The following FAT1 variants were observed in gnomAD, a reference collection of about 807,000 sequenced individuals.
FAT1 encodes the protein FAT atypical cadherin 1.
FAT1 carries 171 observed loss-of-function variants against 329.8 expected under a neutral mutation model. The observed-to-expected ratio is 0.52, with a 90% CI of 0.46 to 0.59. The LOEUF is 0.59. Ranked by LOEUF, FAT1 falls within the 20% of genes least tolerant of loss-of-function variation. The pLI is 0.00. For synonymous variants in FAT1, 2,233 were observed against 2,228.6 expected (o/e 1.00, Z -0.06); for missense variants, 5,672 against 5,774.4 (o/e 0.98, Z 0.57).
intron 7 of FAT1, among the ~76,000 whole-genome samples, chr4:186,630,331 G>A (rs1202752237): frequency 6.6e-6 from 1 of 152,078 alleles, no homozygotes; most frequent in Non-Finnish European, 1.5e-5. Flanking sequence ...CTGCGTCAAC[G>A]ACATGAAGGC....
At chr4:186,666,360 C>T (rs1174748023) in intron 2 of FAT1, among the ~76,000 whole-genome samples, 1 of 152,136 alleles carries the variant, frequency 6.6e-6, no homozygotes, top group Non-Finnish European at 1.5e-5. Context: ...AAAATTATAT[C>T]TGTCTGTAGG....
At chr4:186,692,068 C>CA (rs60103877) in intron 2 of FAT1, among the ~76,000 whole-genome samples, 3 of 152,114 alleles carry the variant, frequency 2.0e-5, no homozygotes, top group African/African-American at 7.2e-5. Context: ...TCTTCCCCCC[C>CA]ATGTATATGT....
At position 186,590,938 on chromosome 4, in the gene FAT1, T is replaced by C. The variant is rs116524825; in HGVS notation, c.13139-1718A>G. Among the ~76,000 whole-genome samples, 496 of 152,364 alleles carry C rather than the reference T, an allele frequency of 3.3e-3. 8 individuals are homozygous for C. Among genetic ancestry groups the C allele is most frequent in the African/African-American group, 0.011 (470 of 41,586 alleles). ...CTCCAAACTGTATGTATTTTGAATA[T>C]GCTTTAATATTGACACTGTGAGCCA... On this transcript the variant is annotated intron_variant, in intron 26 of 26. Transcript: ENST00000441802.
In FAT1 at chr4:186,607,526, G is replaced by C. The variant is rs1739208109; in HGVS notation, c.10207-1313C>G. 1.3e-5 allele frequency among the ~76,000 whole-genome samples: 2 copies of C among 152,028 alleles called. 1 individual carries two copies. The highest frequency in any genetic ancestry group is 4.2e-4 in the South Asian group (2 of 4,816). On this transcript the variant is annotated intron_variant, in intron 16 of 26. Coordinates refer to ENST00000441802, the MANE Select transcript of FAT1 (RefSeq NM_005245.4). ...GGGTAGATGGATAACTAGATGGACA[G>C]GTGGGTAGGTGGATGGATGGATAAC...
In FAT1 at chr4:186,707,092, A is replaced by G. The variant is rs781471290; in HGVS notation, c.2736T>C (p.Val912=). The change falls in exon 2 of 27, where the codon GTT becomes GTC. Residue 912 remains valine, a synonymous_variant. Transcript: ENST00000441802. ...TAACATCTTCTAGTGATACTTTCAC[A>G]ACGACAGTGGAGAACAGCTGAGGCT... The part of the protein sequence containing the change: ...REEPQLFSTV[V]VKVSLEDVND... The G allele has an allele frequency of 2.5e-6, 4 of 1,613,874 alleles. No individual in the cohort carries two copies. Among genetic ancestry groups the G allele is most frequent in the Admixed American group, 3.3e-5 (2 of 60,010 alleles).
chr4:186,704,030 A>C (rs554135914), intron 2 of FAT1, among the ~76,000 whole-genome samples: 25 of 152,344 alleles, frequency 1.6e-4, no homozygotes, highest in African/African-American at 6.0e-4. Flanking sequence ...AATGAATACG[A>C]GGTCCAATGT....
intron 15 of FAT1, 86 bp from the exon 16 acceptor site, chr4:186,609,406 C>A: frequency 6.8e-7 from 1 of 1,459,944 alleles, no homozygotes; most frequent in Non-Finnish European, 9.2e-7. Context: ...AATAGCTTAG[C>A]TGTTTCTTTT....
rs763371390 is a variant in FAT1 at position 186,617,697 on chromosome 4, AT to A, written c.8878+10del. ...AAATTAATTAAACCGTTTGGTATGA[AT>A]TTTTTTTACCTGTTATGAAATATGT... On this transcript the variant is annotated intron_variant, in intron 10 of 26. Transcript: ENST00000441802. The A allele has an allele frequency of 1.0e-5, 16 of 1,536,502 alleles. No homozygotes were observed. The highest frequency in any genetic ancestry group is 4.1e-5 in the Admixed American group (2 of 48,570).
At chr4:186,604,736 G>C (rs1370691323) in intron 17 of FAT1, among the ~76,000 whole-genome samples, 162 bp from the exon 18 acceptor site, 4 of 152,118 alleles carry the variant, frequency 2.6e-5, no homozygotes, top group African/African-American at 9.7e-5. Context: ...GAGTGTGGTG[G>C]TGAGGAGGAG....
chr4:186,611,394 G>A lies in FAT1; in HGVS notation c.9845C>T (p.Ser3282Phe), dbSNP rs1195730419. 5 of 1,608,792 alleles carry A rather than the reference G, an allele frequency of 3.1e-6. No individual in the cohort carries two copies. The highest frequency in any genetic ancestry group is 2.5e-6 in the Non-Finnish European group (3 of 1,177,320). ...GNEHGKFSIDSKTGAVFIIEN... is the reference protein window; with the variant it reads ...GNEHGKFSIDFKTGAVFIIEN... ...GATACATGGTAGGTTACCTGTTTTA[G>A]AATCTATGCTGAATTTCCCATGTTC... Residue 3282 changes from serine (S) to phenylalanine (F), a missense_variant, in exon 14 of 27, where the codon TCT becomes TTT. Coordinates refer to ENST00000441802, the MANE Select transcript of FAT1 (RefSeq NM_005245.4).
At chr4:186,612,989 G>A (rs1739523040) in intron 13 of FAT1, 120 bp downstream of exon 13, 5 of 636,092 alleles carry the variant, frequency 7.9e-6, no homozygotes, top group Admixed American at 5.3e-5. Context: ...CACAAGGAAG[G>A]GCTATGGAAC....
chr4:186,723,473 C>G (rs1561023304), intron 1 of FAT1, among the ~76,000 whole-genome samples, 191 bp downstream of exon 1: 15 of 152,188 alleles, frequency 9.9e-5, no homozygotes, highest in Admixed American at 9.8e-4. Flanking sequence ...CGCCGGGACC[C>G]CCCTAGCCAG....
chr4:186,618,744 T>C lies in FAT1; in HGVS notation c.7842A>G (p.Ser2614=), dbSNP rs760989225. The C allele has an allele frequency of 2.5e-6, 4 of 1,614,038 alleles. No homozygotes were observed. In the Admixed American group the frequency reaches 6.7e-5, roughly 27 times the overall value. The change falls in exon 10 of 27, where the codon TCA becomes TCG. Residue 2614 remains serine (S), a synonymous_variant. Transcript: ENST00000441802. The stretch of plus-strand genomic sequence containing the variant: ...CATCACTTGCAAGAACTTTAACGAC[T>C]GAAGTCCCTTTAGCAGCACTGGACC... The part of the protein sequence containing the change: ...NIGSSAAKGT[S]VVKVLASDAD...
chr4:186,635,033 G>A (rs909815195), intron 6 of FAT1, among the ~76,000 whole-genome samples: 1 of 152,240 alleles, frequency 6.6e-6, no homozygotes, highest in Non-Finnish European at 1.5e-5. Context: ...AAAGTATGCT[G>A]TAAGGGTTTC....
At chr4:186,684,253 T>C (rs1054418717) in intron 2 of FAT1, among the ~76,000 whole-genome samples, 1 of 152,232 alleles carries the variant, frequency 6.6e-6, no homozygotes, top group African/African-American at 2.4e-5. Context: ...TCTTGTTGTT[T>C]AATCGTCTCA....
intron 2 of FAT1, among the ~76,000 whole-genome samples, chr4:186,700,947 C>T (rs1221424180): frequency 7.2e-5 from 11 of 152,172 alleles, no homozygotes; most frequent in East Asian, 5.8e-4. Flanking sequence ...TTCCACCCCA[C>T]ACCTCCAGGT....
intron 12 of FAT1, among the ~76,000 whole-genome samples, chr4:186,613,683 C>T (rs982390934): frequency 1.3e-5 from 2 of 152,086 alleles, no homozygotes; most frequent in Non-Finnish European, 2.9e-5. Flanking sequence ...ACAATTAGTT[C>T]TTTAGGAAGA....
intron 23 of FAT1, 22 bp from the exon 24 acceptor site, chr4:186,597,814 A>C: frequency 1.9e-6 from 3 of 1,601,210 alleles, no homozygotes; most frequent in Non-Finnish European, 2.6e-6. Flanking sequence ...GGAGAAACAG[A>C]CATAAACCTC....
At chr4:186,631,520 C>G (rs1442214765) in intron 7 of FAT1, among the ~76,000 whole-genome samples, 1 of 150,734 alleles carries the variant, frequency 6.6e-6, no homozygotes. Flanking sequence ...TTCCTGTGCT[C>G]TTCAATCAAT....
Sources: gnomAD v4.1 joint callset for allele counts (sites outside exome capture counted in the v4.1 genomes callset) on GRCh38, gnomAD v4.1.1 for gene constraint, MANE v1.5 for transcripts, NCBI Gene and HGNC (gene_info 2026-07-23, HGNC 2026-07-21) for gene names.